TCF3: variants seen among roughly 807,000 people sequenced by gnomAD.
TCF3 encodes the protein transcription factor 3.
A neutral mutation model predicts 72.3 loss-of-function variants in TCF3; 54 were observed. That is an observed-to-expected ratio of 0.75 (90% CI 0.60 to 0.94). TCF3 has a LOEUF of 0.94. Ranked by LOEUF, TCF3 falls within the 40% of genes least tolerant of loss-of-function variation. TCF3 has a pLI of 0.00. For synonymous variants in TCF3, 525 were observed against 412.6 expected, an observed-to-expected ratio of 1.27 and a Z score of -3.30; for missense variants, 1,078 against 934.4, an observed-to-expected ratio of 1.15 and a Z score of -2.00.
intron 16 of TCF3, among the ~76,000 whole-genome samples, chr19:1,617,452 C>T (rs960151797): frequency 6.6e-6 from 1 of 152,244 alleles, no homozygotes; most frequent in Non-Finnish European, 1.5e-5. Context: ...CTTAAGGGTA[C>T]ACAGTGCCCC....
intron 3 of TCF3, among the ~76,000 whole-genome samples, chr19:1,645,305 CAA>C (rs1008028661): frequency 1.3e-5 from 2 of 152,118 alleles, no homozygotes; most frequent in Non-Finnish European, 2.9e-5. Flanking sequence ...CTGATGTCCA[CAA>C]AGAGACCCGT....
intron 3 of TCF3, among the ~76,000 whole-genome samples, chr19:1,633,673 T>C (rs1177450261): frequency 6.6e-6 from 1 of 152,172 alleles, no homozygotes; most frequent in Non-Finnish European, 1.5e-5. Flanking sequence ...TCCAATGTGA[T>C]TATGAGTGGG....
At chr19:1,642,321 G>C (rs975794657) in intron 3 of TCF3, among the ~76,000 whole-genome samples, 3 of 151,854 alleles carry the variant, frequency 2.0e-5, no homozygotes, top group Non-Finnish European at 4.4e-5. Context: ...CGCACACACA[G>C]ACACACACAC....
At chr19:1,617,001 GACAAGGAAACC>G (rs1037532566) in intron 16 of TCF3, among the ~76,000 whole-genome samples, 3 of 152,192 alleles carry the variant, frequency 2.0e-5, no homozygotes, top group African/African-American at 7.2e-5. Context: ...GCATCTCACA[GACAAGGAAACC>G]ACATGGCTAG....
At position 1,609,505 on chromosome 19, in the gene TCF3, C is replaced by G. The variant is rs943500823; in HGVS notation, c.*2202G>C. 4.8e-6 allele frequency: 1 copy of G among 210,178 alleles called. No individual in the cohort carries two copies. The highest frequency in any genetic ancestry group is 2.3e-5 in the African/African-American group (1 of 43,706). 13.0% of individuals were successfully genotyped at this position (210,178 alleles called of 1,614,324 possible). On this transcript the variant is annotated 3_prime_UTR_variant, in exon 19 of 19. Transcript: ENST00000262965. ...CCCCCATAATTGTGGTTCCCAGGAA[C>G]TGCTGTTTCTTCCTCCTCGCGCTGG...
intron 3 of TCF3, among the ~76,000 whole-genome samples, chr19:1,645,335 G>A (rs544334052): frequency 6.6e-5 from 10 of 152,174 alleles, no homozygotes; most frequent in African/African-American, 1.7e-4. Context: ...AAGCAGCATC[G>A]GGGGCACCCG....
At chr19:1,651,954 C>G (rs1227401884) in intron 1 of TCF3, among the ~76,000 whole-genome samples, 8 of 151,002 alleles carry the variant, frequency 5.3e-5, no homozygotes, top group Non-Finnish European at 1.2e-4. Context: ...GCCCCGGGGT[C>G]CCCGTGCGCC....
intron 16 of TCF3, among the ~76,000 whole-genome samples, chr19:1,617,070 A>C (rs1339000863): frequency 1.3e-5 from 2 of 152,264 alleles, no homozygotes; most frequent in Non-Finnish European, 2.9e-5. Context: ...AAGGAAATGC[A>C]AATTAGGGTG....
chr19:1,642,292 GCACAGACACACACCCGCACGCACA>G (rs1335674522), intron 3 of TCF3, among the ~76,000 whole-genome samples: 1 of 150,600 alleles, frequency 6.6e-6, no homozygotes, highest in Non-Finnish European at 1.5e-5. Flanking sequence ...ACGCGCACAC[GCACAGACACACACCCGCACGCACA>G]CACAGACACA....
chr19:1,651,633 G>T (rs910548702), intron 1 of TCF3, among the ~76,000 whole-genome samples: 2 of 152,144 alleles, frequency 1.3e-5, no homozygotes, highest in African/African-American at 4.8e-5. Flanking sequence ...CGGCGCCGAA[G>T]GCGGGGGGCG....
chr19:1,630,087 G>A (rs1599779705), intron 5 of TCF3, among the ~76,000 whole-genome samples: 1 of 152,238 alleles, frequency 6.6e-6, no homozygotes. Context: ...ACCCGTGGGG[G>A]TGGCAGGTGG....
chr19:1,619,777 C>T lies in TCF3; in HGVS notation c.1167+3G>A. The T allele has an allele frequency of 6.5e-7, 1 of 1,549,052 alleles. No homozygotes were observed. The highest frequency in any genetic ancestry group is 8.7e-7 in the Non-Finnish European group (1 of 1,146,088). On this transcript the variant is annotated splice_donor_region_variant and intron_variant, in intron 14 of 18. Transcript: ENST00000262965. ...GGTGGGGTGGGGCGGGGCAGGCACT[C>T]ACCAGGCCGTGGAGACCCCCGTCGT...
chr19:1,611,494 G>A lies in TCF3; in HGVS notation c.*213C>T. ...TTCGGGGACAGGGGGAGCGAGGCCAGTGAGTGGTAGGCCAGGGCCCCAGGG... is the reference window on the plus strand; with the variant it reads ...TTCGGGGACAGGGGGAGCGAGGCCAATGAGTGGTAGGCCAGGGCCCCAGGG... On this transcript the variant is annotated 3_prime_UTR_variant, in exon 19 of 19. Transcript: ENST00000262965. The A allele has an allele frequency of 1.8e-6, 1 of 547,194 alleles. No homozygotes were observed. Among genetic ancestry groups the A allele is most frequent in the Non-Finnish European group, 3.1e-6 (1 of 324,236 alleles). 33.9% of individuals were successfully genotyped at this position (547,194 alleles called of 1,614,324 possible). A position where few individuals can be genotyped will look rare whatever the true frequency, so the allele number is the denominator to read the frequency against.
chr19:1,649,606 G>C (rs908735129), intron 2 of TCF3, among the ~76,000 whole-genome samples: 1 of 152,096 alleles, frequency 6.6e-6, no homozygotes, highest in Non-Finnish European at 1.5e-5. Context: ...GTCTTTTTGA[G>C]AAATGGGGCC....
intron 3 of TCF3, among the ~76,000 whole-genome samples, chr19:1,641,986 A>C (rs750270952): frequency 6.6e-6 from 1 of 152,052 alleles, no homozygotes; most frequent in Non-Finnish European, 1.5e-5. Flanking sequence ...TCAAGGCTAC[A>C]GTCAGTTATG....
At chr19:1,625,817 T>C (rs2062812676) in intron 6 of TCF3, 109 bp from the exon 7 acceptor site, 1 of 1,304,222 alleles carries the variant, frequency 7.7e-7, no homozygotes. Context: ...CGCCCTGCAG[T>C]GGGTGATGCC....
In TCF3 at chr19:1,615,485, T is replaced by G; in HGVS notation, c.1622A>C (p.Glu541Ala). 6.2e-7 allele frequency: 1 copy of G among 1,611,006 alleles called. No individual in the cohort carries two copies. Among genetic ancestry groups the G allele is most frequent in the South Asian group, 1.1e-5 (1 of 91,068 alleles). The change falls in exon 18 of 19, where the codon GAG (glutamate) becomes GCG (alanine). Residue 541 changes from glutamate (E) to alanine (A), a missense_variant. Transcript: ENST00000262965. The surrounding 1 kb of genome is among the most constrained non-coding windows in gnomAD (Gnocchi z 7.3). ...DEDEDDLLPP[E>A]QKAEREKERR... ...CTCCTTCTCCCGCTCGGCCTTCTGCTCTGGGGGGAGAAGGTCGTCCTCGTC... is the reference window on the plus strand; with the variant it reads ...CTCCTTCTCCCGCTCGGCCTTCTGCGCTGGGGGGAGAAGGTCGTCCTCGTC...
chr19:1,616,460 C>G (rs1230838468), intron 16 of TCF3: 1 of 149,468 alleles, frequency 6.7e-6, no homozygotes, highest in Non-Finnish European at 1.5e-5. Context: ...GGTGACAAAG[C>G]AAGACTCCGT....
chr19:1,629,466 G>A (rs1054173511), intron 5 of TCF3, among the ~76,000 whole-genome samples: 2 of 152,068 alleles, frequency 1.3e-5, no homozygotes, highest in Admixed American at 6.5e-5. Context: ...GCTACGGAGG[G>A]GGTCAGCTGG....
Sources: allele counts gnomAD v4.1 joint callset (sites outside exome capture counted in the v4.1 genomes callset), GRCh38; gene constraint gnomAD v4.1.1; non-coding constraint Gnocchi (gnomAD v3.1); transcripts MANE v1.5; gene names NCBI Gene and HGNC (gene_info 2026-07-23, HGNC 2026-07-21).